Variants in NFATC3 observed in about 807,000 individuals in gnomAD.
NFATC3 encodes the protein nuclear factor of activated T cells 3.
In NFATC3, 46 loss-of-function variants were observed where a neutral mutation model predicts 98.6. The observed-to-expected ratio is 0.47, with a 90% CI of 0.37 to 0.60. The LOEUF (loss-of-function observed/expected upper bound fraction) is 0.60. NFATC3 is among the 20% of genes least tolerant of loss of function. The pLI, the probability that NFATC3 is intolerant of heterozygous loss-of-function variation, is 0.00. For synonymous variants in NFATC3, 512 were observed against 472.2 expected, an observed-to-expected ratio of 1.08 and a Z score of -1.09; for missense variants, 1,256 against 1,295.5, an observed-to-expected ratio of 0.97 and a Z score of 0.47.
chr16:68,129,457 C>G lies in NFATC3; in HGVS notation c.1401+2847C>G, dbSNP rs115344477. 9.9e-3 allele frequency among the ~76,000 whole-genome samples: 1,507 copies of G among 152,166 alleles called. 25 individuals are homozygous for G. Among genetic ancestry groups the G allele is most frequent in the African/African-American group, 0.034 (1,416 of 41,528 alleles). On this transcript the variant is annotated intron_variant, in intron 3 of 9. Transcript: ENST00000346183. ...GTTAACAGTTCTTTATCAGTCTTTC[C>G]CAGTACTTTTGATGCTCCCTTTCAA...
intron 1 of NFATC3, among the ~76,000 whole-genome samples, chr16:68,094,325 G>A (rs2034892601): frequency 6.6e-6 from 1 of 151,652 alleles, no homozygotes; most frequent in South Asian, 2.1e-4. Context: ...CGTCAAAATT[G>A]CCCTAAACCT....
In NFATC3 at chr16:68,183,232, A is replaced by G; in HGVS notation, c.1972-8A>G. 1.3e-6 allele frequency: 2 copies of G among 1,570,544 alleles called. No homozygotes were observed. The highest frequency in any genetic ancestry group is 1.7e-6 in the Non-Finnish European group (2 of 1,164,968). On this transcript the variant is annotated splice_polypyrimidine_tract_variant and splice_region_variant and intron_variant, in intron 7 of 9. Coordinates refer to ENST00000346183, the MANE Select transcript of NFATC3 (RefSeq NM_173165.3). ...TGAGTGTAACACAATCTTGCTTTCC[A>G]TCCTTAGGCTCACATTGTCCTTGAA...
At chr16:68,203,619 T>TGA (rs1438718956) in intron 9 of NFATC3, among the ~76,000 whole-genome samples, 1 of 151,774 alleles carries the variant, frequency 6.6e-6, no homozygotes, top group African/African-American at 2.4e-5. Flanking sequence ...GGCGACAGAG[T>TGA]GAGACCCTGT....
At chr16:68,183,178 G>A (rs2040019601) in intron 7 of NFATC3, 62 bp from the exon 8 acceptor site, 8 of 1,521,350 alleles carry the variant, frequency 5.3e-6, no homozygotes, top group Non-Finnish European at 7.0e-6. Context: ...GTTGTGATGT[G>A]TTTAACAGGT....
chr16:68,156,926 G>A (rs968066394), intron 3 of NFATC3, among the ~76,000 whole-genome samples: 10 of 152,066 alleles, frequency 6.6e-5, no homozygotes, highest in African/African-American at 2.2e-4. Flanking sequence ...GTGACAGAGC[G>A]AGACACTGTC....
chr16:68,089,221 A>C, intron 1 of NFATC3: 1 of 985,460 alleles, frequency 1.0e-6, no homozygotes, highest in South Asian at 4.7e-5. Context: ...ATAGAGAGTG[A>C]GGACAAGCCA....
chr16:68,123,097 AG>A lies in NFATC3; in HGVS notation c.1215del (p.Lys405AsnfsTer16). 6.2e-7 allele frequency: 1 copy of A among 1,603,530 alleles called. No homozygotes were observed. The highest frequency in any genetic ancestry group is 8.5e-7 in the Non-Finnish European group (1 of 1,179,604). On this transcript the variant is annotated frameshift_variant, in exon 2 of 10. Transcript: ENST00000346183. LOFTEE classifies it high-confidence loss of function. ...VPSPFTWSKP[K>X]PGHTPIFRTS... ...TCACCCTTTACCTGGAGCAAACCAA[AG>A]CCTGGCCACACCCCTATATTTCGGT...
chr16:68,123,228 C>T, intron 2 of NFATC3, 107 bp downstream of exon 2: 1 of 1,155,128 alleles, frequency 8.7e-7, no homozygotes. Context: ...TTGACCATTT[C>T]TCCTCTTCCT....
chr16:68,216,048 C>T (rs1378484625), intron 9 of NFATC3, among the ~76,000 whole-genome samples: 1 of 151,980 alleles, frequency 6.6e-6, no homozygotes, highest in Non-Finnish European at 1.5e-5. Flanking sequence ...ATATTAAGTG[C>T]TGATGAGAAG....
At position 68,122,733 on chromosome 16, in the gene NFATC3, G is replaced by C; in HGVS notation, c.850G>C (p.Ala284Pro). 6.2e-7 allele frequency: 1 copy of C among 1,614,204 alleles called. No individual in the cohort carries two copies. The highest frequency in any genetic ancestry group is 2.2e-5 in the East Asian group (1 of 44,878). The change falls in exon 2 of 10, where the codon GCT (alanine) becomes CCT (proline). Residue 284 changes from alanine (A) to proline (P), a missense_variant. This residue lies in a region of NFATC3 where 464 missense variants were observed against 465.7 expected (regional missense o/e 1.00). Transcript: ENST00000346183. ...RRHSSAEVCY[A>P]GSLSPHHSPV... ...GCACTCCAGTGCTGAAGTTTGTTATGCTGGGTCCCTTTCACCCCATCACTC... is the reference window on the plus strand; with the variant it reads ...GCACTCCAGTGCTGAAGTTTGTTATCCTGGGTCCCTTTCACCCCATCACTC...
intron 1 of NFATC3, among the ~76,000 whole-genome samples, chr16:68,088,218 C>T (rs1439984047): frequency 2.0e-5 from 3 of 151,360 alleles, no homozygotes; most frequent in Non-Finnish European, 2.9e-5. Flanking sequence ...TTTGGATTCT[C>T]TTCCTCACTG....
chr16:68,096,171 G>A (rs1045980693), intron 1 of NFATC3, among the ~76,000 whole-genome samples: 1 of 151,850 alleles, frequency 6.6e-6, no homozygotes, highest in South Asian at 2.1e-4. Context: ...TTTCTGTGTT[G>A]CCCAGGCCAG....
At chr16:68,216,581 G>C (rs1350110689) in intron 9 of NFATC3, among the ~76,000 whole-genome samples, 1 of 151,796 alleles carries the variant, frequency 6.6e-6, no homozygotes, top group Non-Finnish European at 1.5e-5. Context: ...GCCTAGGCTG[G>C]AGTGCATTGG....
At chr16:68,150,813 C>G (rs1173126283) in intron 3 of NFATC3, among the ~76,000 whole-genome samples, 1 of 152,150 alleles carries the variant, frequency 6.6e-6, no homozygotes, top group African/African-American at 2.4e-5. Flanking sequence ...ATGCTGTTCT[C>G]TTGATAGTGA....
At chr16:68,207,971 G>A (rs2041219717) in intron 9 of NFATC3, among the ~76,000 whole-genome samples, 1 of 152,034 alleles carries the variant, frequency 6.6e-6, no homozygotes, top group South Asian at 2.1e-4. Flanking sequence ...TAATGGTGTT[G>A]AGCATCTTTT....
intron 1 of NFATC3, among the ~76,000 whole-genome samples, chr16:68,104,653 GTTTT>G (rs778016298): frequency 3.2e-5 from 4 of 126,696 alleles, no homozygotes; most frequent in African/African-American, 9.4e-5. Context: ...TTCACAAATG[GTTTT>G]TTTTTTTTTT....
chr16:68,113,336 C>T (rs554006276), intron 1 of NFATC3, among the ~76,000 whole-genome samples: 1 of 152,228 alleles, frequency 6.6e-6, no homozygotes, highest in Admixed American at 6.5e-5. Flanking sequence ...TAGTAAGGCC[C>T]CTCTTCCATA....
chr16:68,218,690 A>G (rs1397074777), intron 9 of NFATC3, among the ~76,000 whole-genome samples: 4 of 150,212 alleles, frequency 2.7e-5, no homozygotes, highest in East Asian at 2.1e-4. Context: ...CTCCTGCCTC[A>G]GCCTCCTGAG....
rs886406568 is a variant in NFATC3 at position 68,227,789 on chromosome 16, TG to T, written c.*1321del. On this transcript the variant is annotated 3_prime_UTR_variant, in exon 10 of 10. Coordinates refer to ENST00000346183, the MANE Select transcript of NFATC3 (RefSeq NM_173165.3). ...TGTCTACCAAAGGAGGTACCCGAGT[TG>T]GGTACTTTAAAAAAAAAAAAAACCT... The T allele has an allele frequency of 1.1e-4, 16 of 151,360 alleles. No homozygotes were observed. Among genetic ancestry groups the T allele is most frequent in the African/African-American group, 3.2e-4 (13 of 41,102 alleles). 9.4% of individuals were successfully genotyped at this position (151,360 alleles called of 1,614,324 possible).
Sources: gnomAD v4.1 joint callset for allele counts (sites outside exome capture counted in the v4.1 genomes callset) on GRCh38, gnomAD v4.1.1 for gene constraint, gnomAD v4.1.1 regional missense constraint, MANE v1.5 for transcripts, NCBI Gene and HGNC (gene_info 2026-07-23, HGNC 2026-07-21) for gene names.